Variants in ECE1 observed in about 807,000 individuals in gnomAD.
ECE1 encodes the protein endothelin converting enzyme 1.
ECE1 carries 35 observed loss-of-function variants against 98.6 expected under a neutral mutation model. The observed-to-expected ratio is 0.35, with a 90% confidence interval of 0.27 to 0.47. The LOEUF (loss-of-function observed/expected upper bound fraction) is 0.47, where lower values mean the gene tolerates loss of function less well. Ranked by LOEUF, ECE1 falls within the 20% of genes least tolerant of loss-of-function variation. The pLI is 1.00. For synonymous variants in ECE1, 394 were observed against 407.1 expected (o/e 0.97, Z 0.39); for missense variants, 814 against 1,025.3 (o/e 0.79, Z 2.81).
chr1:21,256,184 T>C (rs572886560), intron 7 of ECE1, 46 bp from the exon 8 acceptor site: 1 of 1,562,164 alleles, frequency 6.4e-7, no homozygotes, highest in East Asian at 2.3e-5. Flanking sequence ...CCCCCCACTA[T>C]CCACTGGACG....
intron 1 of ECE1, among the ~76,000 whole-genome samples, chr1:21,316,297 C>T (rs1283800195): frequency 1.3e-5 from 2 of 152,148 alleles, no homozygotes; most frequent in African/African-American, 4.8e-5. Context: ...GAGAAAGAGT[C>T]TTGCTCTGTT....
intron 8 of ECE1, among the ~76,000 whole-genome samples, chr1:21,250,148 C>T (rs538210925): frequency 6.6e-6 from 1 of 152,220 alleles, no homozygotes; most frequent in South Asian, 2.1e-4. Flanking sequence ...CCCCAACCCC[C>T]ACTCCTGGAA....
intron 10 of ECE1, among the ~76,000 whole-genome samples, chr1:21,242,718 C>T (rs1198420175): frequency 6.6e-6 from 1 of 152,246 alleles, no homozygotes; most frequent in Non-Finnish European, 1.5e-5. Flanking sequence ...GTGCCATATT[C>T]AAGCAGCACC....
rs965946650 is a variant in ECE1 at position 21,247,380 on chromosome 1, C to G, written c.1021-17G>C. 1.9e-6 allele frequency: 3 copies of G among 1,614,062 alleles called. No homozygotes were observed. Among genetic ancestry groups the G allele is most frequent in the Admixed American group, 1.7e-5 (1 of 60,010 alleles). ...TGCCAAGGTCTGCAAGGGAAAAGGA[C>G]AGTGTGACCCTGTGGGGCTGCTCCT... On this transcript the variant is annotated splice_polypyrimidine_tract_variant and intron_variant, in intron 8 of 18. Transcript: ENST00000374893.
rs745386501 is a variant in ECE1 at position 21,220,224 on chromosome 1, G to A, written c.2137-93C>T. On this transcript the variant is annotated intron_variant, in intron 18 of 18. Coordinates refer to ENST00000374893, the MANE Select transcript of ECE1 (RefSeq NM_001397.3). This position sits in a 1 kb window ranked among gnomAD's most constrained non-coding sequence, Gnocchi z 5.0. Reference sequence around the variant, plus strand: ...TATAACAGCAGGGGAGGCCAGGTGCGGTGGCTCACACCTGTAATCCCAGCA... The same window carrying A: ...TATAACAGCAGGGGAGGCCAGGTGCAGTGGCTCACACCTGTAATCCCAGCA... 1.1e-4 allele frequency: 148 copies of A among 1,407,004 alleles called. No homozygotes were observed. The highest frequency in any genetic ancestry group is 1.4e-4 in the African/African-American group (10 of 70,010). 87.2% of individuals were successfully genotyped at this position (1,407,004 alleles called of 1,614,324 possible). A position where few individuals can be genotyped will look rare whatever the true frequency, so the allele number is the denominator to read the frequency against.
chr1:21,302,194 C>T (rs1638500151), intron 1 of ECE1, among the ~76,000 whole-genome samples: 1 of 152,216 alleles, frequency 6.6e-6, no homozygotes, highest in Non-Finnish European at 1.5e-5. Context: ...AGGCTAAGTT[C>T]CCCACGTCCA....
At chr1:21,289,466 C>T (rs1440351288) in intron 2 of ECE1, among the ~76,000 whole-genome samples, 1 of 152,058 alleles carries the variant, frequency 6.6e-6, no homozygotes, top group African/African-American at 2.4e-5. Flanking sequence ...TGCCCACGGG[C>T]GGAGACCCTG....
chr1:21,338,596 T>A (rs1411179867), intron 1 of ECE1, among the ~76,000 whole-genome samples: 3 of 152,238 alleles, frequency 2.0e-5, no homozygotes, highest in African/African-American at 7.2e-5. Context: ...TCATCCTGCA[T>A]GTCATTACTG....
rs544083697 is a variant in ECE1, at chr1:21,245,014, A to G, written c.1253T>C (p.Met418Thr). 5.6e-6 allele frequency: 9 copies of G among 1,614,126 alleles called. No individual in the cohort carries two copies. In the South Asian group the frequency reaches 8.8e-5, roughly 16 times the overall value. Reference sequence around the variant, plus strand: ...CTTCTTGGTCCCGTACATGACTTCCATGAACTTCTCATCGGCGTCCTGAAA... The same window carrying G: ...CTTCTTGGTCCCGTACATGACTTCCGTGAACTTCTCATCGGCGTCCTGAAA... ...QRFQDADEKF[M>T]EVMYGTKKTC... The change falls in exon 10 of 19, where the codon ATG becomes ACG. Residue 418 changes from methionine to threonine, a missense_variant. This residue lies in a region of ECE1 where 452 missense variants were observed against 567.3 expected (regional missense o/e 0.80). Transcript: ENST00000374893.
chr1:21,264,317 C>CGG (rs1182192989), intron 4 of ECE1, among the ~76,000 whole-genome samples: 1 of 82,382 alleles, frequency 1.2e-5, no homozygotes, highest in African/African-American at 4.7e-5. Context: ...ATTCCCCCCC[C>CGG]CCCTTTTTTT....
intron 8 of ECE1, among the ~76,000 whole-genome samples, chr1:21,252,494 T>G (rs2098214111): frequency 6.6e-6 from 1 of 152,220 alleles, no homozygotes; most frequent in Admixed American, 6.5e-5. Flanking sequence ...AGAAGAATGC[T>G]TCTGAGCTTC....
At chr1:21,302,274 C>T (rs1317026596) in intron 1 of ECE1, among the ~76,000 whole-genome samples, 1 of 152,216 alleles carries the variant, frequency 6.6e-6, no homozygotes, top group Non-Finnish European at 1.5e-5. Context: ...CTGGCCCAGG[C>T]CCCACACCAA....
In ECE1 at chr1:21,236,816, T is replaced by C; in HGVS notation, c.1418A>G (p.Lys473Arg). 6.2e-7 allele frequency: 1 copy of C among 1,613,838 alleles called. No individual in the cohort carries two copies. The highest frequency in any genetic ancestry group is 1.1e-5 in the South Asian group (1 of 91,048). Residue 473 changes from lysine (K) to arginine (R), a missense_variant, in exon 12 of 19, where the codon AAG (lysine) becomes AGG (arginine). By Grantham distance (26) the Lys-to-Arg change is conservative (BLOSUM62 2). Coordinates refer to ENST00000374893, the MANE Select transcript of ECE1 (RefSeq NM_001397.3). The part of the protein sequence containing the change: ...IATEIILEIK[K>R]AFEESLSTLK... ...GGTGCTCAGGCTTTCCTCAAATGCC[T>C]TCTTAATCTCCAGGATGATCTCGGT...
chr1:21,344,403 G>C (rs554227113), intron 1 of ECE1, among the ~76,000 whole-genome samples: 4 of 152,202 alleles, frequency 2.6e-5, no homozygotes, highest in African/African-American at 9.7e-5. Context: ...CACTTCACAG[G>C]GCACAGAACA....
intron 1 of ECE1, among the ~76,000 whole-genome samples, chr1:21,337,037 C>CA (rs1324423111): frequency 6.6e-6 from 1 of 152,002 alleles, no homozygotes; most frequent in East Asian, 1.9e-4. Context: ...AAGTCCATCT[C>CA]AAAAAAACAA....
chr1:21,247,476 T>C, intron 8 of ECE1, 113 bp from the exon 9 acceptor site: 1 of 1,500,470 alleles, frequency 6.7e-7, no homozygotes, highest in Non-Finnish European at 9.2e-7. Context: ...TGGCGCCATC[T>C]GACAGCGCAC....
rs555616202 is a variant in ECE1 at position 21,229,940 on chromosome 1, G to A, written c.1671-1899C>T. 6.6e-5 allele frequency among the ~76,000 whole-genome samples: 10 copies of A among 152,270 alleles called. No individual in the cohort carries two copies. In the South Asian group the frequency reaches 2.1e-3, roughly 32 times the overall value. Reference sequence around the variant, plus strand: ...AATCCTAGCACCTTGGGAGGCCGAGGTGGGAGGACTGCTTGAGCCCAAGAG... The same window carrying A: ...AATCCTAGCACCTTGGGAGGCCGAGATGGGAGGACTGCTTGAGCCCAAGAG... On this transcript the variant is annotated intron_variant, in intron 14 of 18. Coordinates refer to ENST00000374893, the MANE Select transcript of ECE1 (RefSeq NM_001397.3).
intron 8 of ECE1, among the ~76,000 whole-genome samples, chr1:21,255,389 G>A (rs1410927976): frequency 6.6e-6 from 1 of 152,218 alleles, no homozygotes; most frequent in Non-Finnish European, 1.5e-5. Context: ...AGCCACCAGA[G>A]GGCAGCCTTT....
intron 16 of ECE1, among the ~76,000 whole-genome samples, 165 bp downstream of exon 16, chr1:21,226,994 G>A (rs544490903): frequency 6.6e-6 from 1 of 152,182 alleles, no homozygotes; most frequent in Non-Finnish European, 1.5e-5. Flanking sequence ...ACAGCGCTGG[G>A]ATTACAGGCA....
Sources: gnomAD v4.1 joint callset for allele counts (sites outside exome capture counted in the v4.1 genomes callset) on GRCh38, gnomAD v4.1.1 for gene constraint, gnomAD v4.1.1 regional missense constraint, Gnocchi (gnomAD v3.1) non-coding constraint, MANE v1.5 for transcripts, NCBI Gene and HGNC (gene_info 2026-07-23, HGNC 2026-07-21) for gene names.